DMD: variants seen among roughly 807,000 people sequenced by gnomAD.
The protein encoded by DMD is mutant dystrophin.
In DMD, 63 loss-of-function variants were observed where a neutral mutation model predicts 330.1. The observed-to-expected ratio is 0.19, with a 90% CI of 0.16 to 0.24. DMD has a LOEUF of 0.24. DMD is among the 10% of genes least tolerant of loss of function. The pLI is 1.00. For missense variants in DMD, 3,344 were observed against 2,684.1 expected (o/e 1.25, Z -5.43); for synonymous variants, 1,223 against 959.8 (o/e 1.27, Z -5.07).
intron 16 of DMD, among the ~76,000 whole-genome samples, chrX:32,551,509 T>TA (rs1391618051): frequency 9.0e-6 from 1 of 111,637 alleles, no homozygotes; most frequent in Non-Finnish European, 1.9e-5. Context: ...GAACCATCTT[T>TA]AAAAAGTCCA....
intron 69 of DMD, among the ~76,000 whole-genome samples, chrX:31,179,122 A>T (rs1218813638): frequency 1.8e-5 from 2 of 112,701 alleles, no homozygotes; most frequent in Non-Finnish European, 3.8e-5. Context: ...TATAGGTCTT[A>T]AGGTCAAAAA....
intron 44 of DMD, among the ~76,000 whole-genome samples, chrX:32,114,184 G>T (rs1266741072): frequency 9.0e-6 from 1 of 111,650 alleles, no homozygotes; most frequent in Non-Finnish European, 1.9e-5. Context: ...TATAAAATAT[G>T]TTAATATCAT....
intron 75 of DMD, among the ~76,000 whole-genome samples, chrX:31,146,904 T>C (rs1423255666): frequency 8.9e-6 from 1 of 111,873 alleles, no homozygotes; most frequent in African/African-American, 3.3e-5. Context: ...TGTTAGGGAT[T>C]AGGAGAAAAA....
chrX:31,626,289 A>G (rs1330996930), intron 55 of DMD, among the ~76,000 whole-genome samples: 2 of 111,794 alleles, frequency 1.8e-5, no homozygotes, highest in Non-Finnish European at 3.8e-5. Flanking sequence ...CTGGCCGGGA[A>G]ACCCACATAT....
intron 34 of DMD, among the ~76,000 whole-genome samples, chrX:32,378,576 T>C (rs927438933): frequency 2.1e-4 from 23 of 110,709 alleles, no homozygotes; most frequent in African/African-American, 7.2e-4. Flanking sequence ...GATGTTCAAA[T>C]ACTTTCATAC....
intron 13 of DMD, among the ~76,000 whole-genome samples, chrX:32,579,522 G>C (rs2053425326): frequency 2.7e-5 from 3 of 112,209 alleles, no homozygotes; most frequent in Non-Finnish European, 3.8e-5. Context: ...CATTATAAAA[G>C]ATATGCCTTC....
chrX:32,391,101 G>C (rs1031486809), intron 30 of DMD, among the ~76,000 whole-genome samples: 2 of 111,656 alleles, frequency 1.8e-5, no homozygotes, highest in African/African-American at 6.5e-5. Flanking sequence ...GATCTCTGCA[G>C]CATGTGGACA....
chrX:33,323,607 A>G (rs1047602764), intron 1 of DMD, among the ~76,000 whole-genome samples: 1 of 111,721 alleles, frequency 9.0e-6, no homozygotes, highest in Non-Finnish European at 1.9e-5. Flanking sequence ...GATTTTTAAA[A>G]AAATGTGTCC....
intron 7 of DMD, among the ~76,000 whole-genome samples, chrX:32,751,003 G>A (rs754243456): frequency 8.9e-6 from 1 of 112,077 alleles, no homozygotes; most frequent in East Asian, 2.8e-4. Flanking sequence ...CAGCATGATT[G>A]TGAAGCTTCC....
Position 32,624,139 on chromosome X carries a change from G to C in DMD, c.1332-9686C>G, listed in dbSNP as rs148829163. On this transcript the variant is annotated intron_variant, in intron 11 of 78. Coordinates refer to ENST00000357033, the MANE Select transcript of DMD (RefSeq NM_004006.3). ...AAGTCACAAAATAAAAATCTACCATGCACAGATAGGAAAAAATGTTTGCAT... is the reference window on the plus strand; with the variant it reads ...AAGTCACAAAATAAAAATCTACCATCCACAGATAGGAAAAAATGTTTGCAT... Among the ~76,000 whole-genome samples the C allele has an allele frequency of 7.5e-3, 841 of 111,906 alleles. 13 individuals carry two copies. Among genetic ancestry groups the C allele is most frequent in the Admixed American group, 0.025 (267 of 10,554 alleles).
intron 1 of DMD, among the ~76,000 whole-genome samples, chrX:33,040,970 A>G (rs900027582): frequency 8.9e-6 from 1 of 112,209 alleles, no homozygotes; most frequent in African/African-American, 3.2e-5. Flanking sequence ...TAAAGAAAAC[A>G]TCCAAAACTT....
chrX:32,065,431 G>A (rs188924444), intron 44 of DMD, among the ~76,000 whole-genome samples: 1 of 111,552 alleles, frequency 9.0e-6, no homozygotes, highest in Admixed American at 9.5e-5. Flanking sequence ...TACAAAACAA[G>A]TTTGCTCTCA....
At chrX:32,645,302 G>T (rs770250047) in intron 9 of DMD, 150 bp from the exon 10 acceptor site, 17 of 588,240 alleles carry the variant, frequency 2.9e-5, no homozygotes, top group Non-Finnish European at 4.4e-5. Context: ...AGACAATAGG[G>T]AGTTTTCATT....
chrX:32,433,217 C>T (rs1376713069), intron 29 of DMD, among the ~76,000 whole-genome samples: 1 of 111,888 alleles, frequency 8.9e-6, no homozygotes, highest in Non-Finnish European at 1.9e-5. Context: ...CACTTATTAG[C>T]AGAGTTTTTA....
chrX:31,177,053 G>T (rs920271455), intron 71 of DMD, among the ~76,000 whole-genome samples: 4 of 111,379 alleles, frequency 3.6e-5, no homozygotes, highest in Admixed American at 1.9e-4. Flanking sequence ...TAACAGAGCT[G>T]TCTGATTTTC....
chrX:31,515,768 T>C (rs1346229346), intron 55 of DMD, among the ~76,000 whole-genome samples: 2 of 111,719 alleles, frequency 1.8e-5, no homozygotes, highest in Non-Finnish European at 3.8e-5. Context: ...AGGCATCACC[T>C]CGTTTTATAG....
At position 31,786,659 on chromosome X, in the gene DMD, T is replaced by C. The variant is rs748254713; in HGVS notation, c.7310-12467A>G. On this transcript the variant is annotated intron_variant, in intron 50 of 78. Coordinates refer to ENST00000357033, the MANE Select transcript of DMD (RefSeq NM_004006.3). ...CTACCAATATTATTCCTAGTATTTG[T>C]GGTGTGGTTGCATTGACTCCAGAAT... Among the ~76,000 whole-genome samples, 3 of 111,740 alleles carry C rather than the reference T, an allele frequency of 2.7e-5. No individual in the cohort carries two copies. The East Asian group carries it at 8.5e-4, about 32-fold the overall frequency.
At chrX:31,454,855 C>T (rs989013543) in intron 59 of DMD, among the ~76,000 whole-genome samples, 32 of 110,046 alleles carry the variant, frequency 2.9e-4, no homozygotes, top group East Asian at 1.1e-3. Context: ...TGGGCTCAAG[C>T]GATCCTCCTG....
At chrX:33,030,746 A>G (rs1278376137) in intron 1 of DMD, among the ~76,000 whole-genome samples, 1 of 111,588 alleles carries the variant, frequency 9.0e-6, no homozygotes, top group African/African-American at 3.3e-5. Flanking sequence ...TGCCTACTCA[A>G]TATTACTTTT....
Sources: allele counts gnomAD v4.1 joint callset (sites outside exome capture counted in the v4.1 genomes callset), GRCh38; gene constraint gnomAD v4.1.1; transcripts MANE v1.5; gene names NCBI Gene and HGNC (gene_info 2026-07-23, HGNC 2026-07-21).